The following PPEF1 variants were observed in gnomAD, a reference collection of about 807,000 sequenced individuals.
PPEF1 encodes the protein serine/threonine-protein phosphatase with EF-hands 1.
Under a neutral mutation model 53.3 loss-of-function variants are expected in PPEF1, and 12 were observed. The ratio of observed to expected loss-of-function variants is 0.23; its 90% CI spans 0.14 to 0.36. The LOEUF (loss-of-function observed/expected upper bound fraction) is 0.36, where lower values mean the gene tolerates loss of function less well. PPEF1 is among the 10% of genes least tolerant of loss of function. The pLI, the probability that PPEF1 is intolerant of heterozygous loss-of-function variation, is 1.00. For missense variants in PPEF1, 334 were observed against 490.4 expected, an observed-to-expected ratio of 0.68 and a Z score of 3.01; for synonymous variants, 165 against 176.7, an observed-to-expected ratio of 0.93 and a Z score of 0.52.
Position 18,749,842 on chromosome X carries a change from G to C in PPEF1, c.286G>C (p.Asp96His), listed in dbSNP as rs377260601. 3.4e-6 allele frequency: 4 copies of C among 1,191,601 alleles called. No individual in the cohort carries two copies. The highest frequency in any genetic ancestry group is 4.5e-6 in the Non-Finnish European group (4 of 885,126). Residue 96 changes from aspartate (D) to histidine (H), a missense_variant, in exon 4 of 16, where the codon GAT becomes CAT. Physicochemically the swap from Asp to His is moderately conservative, Grantham distance 81. Coordinates refer to ENST00000470157, the MANE Select transcript of PPEF1 (RefSeq NM_001377996.1). ...ESEQDMRDRW[D>H]YVDSIDVPDS... ...CGAACAGGACATGAGGGATAGATGG[G>C]ATTATGTGGACTCGATAGATGTCCC... is the stretch of plus-strand genomic sequence containing the variant.
chrX:18,761,510 A>G lies in PPEF1; in HGVS notation c.512-20A>G, dbSNP rs1032281876. The G allele has an allele frequency of 2.5e-6, 3 of 1,198,906 alleles. No individual in the cohort carries two copies. Among genetic ancestry groups the G allele is most frequent in the Non-Finnish European group, 3.4e-6 (3 of 884,154 alleles). On this transcript the variant is annotated intron_variant, in intron 5 of 15. Transcript: ENST00000470157. ...GCATCTTGTTCTCTACTGAATACTG[A>G]TTTTTCATTTGCACTGCAGGTGATT...
intron 10 of PPEF1, among the ~76,000 whole-genome samples, chrX:18,789,600 C>A (rs2046289019): frequency 8.9e-6 from 1 of 111,875 alleles, no homozygotes; most frequent in African/African-American, 3.3e-5. Context: ...CTGTAGCCAC[C>A]CTGTGCCACC....
At chrX:18,808,552 CAAAA>C (rs57335377) in intron 12 of PPEF1, among the ~76,000 whole-genome samples, 1 of 99,469 alleles carries the variant, frequency 1.0e-5, no homozygotes. Context: ...GACTCAACAG[CAAAA>C]AAAAAAAAAC....
At chrX:18,797,055 G>C (rs770666556) in intron 10 of PPEF1, among the ~76,000 whole-genome samples, 137 of 111,169 alleles carry the variant, frequency 1.2e-3, no homozygotes, top group Non-Finnish European at 1.9e-3. Flanking sequence ...GCATCTTGCA[G>C]ACCCCACACA....
chrX:18,729,325 T>G (rs1196047091), intron 1 of PPEF1, among the ~76,000 whole-genome samples: 1 of 112,143 alleles, frequency 8.9e-6, no homozygotes, highest in Admixed American at 9.4e-5. Context: ...CCCCTTCTTA[T>G]GTTAATTAGT....
At chrX:18,735,559 C>T (rs1446999596) in intron 3 of PPEF1, among the ~76,000 whole-genome samples, 7 of 111,607 alleles carry the variant, frequency 6.3e-5, no homozygotes, top group South Asian at 7.5e-4. Context: ...AGTCAGGTAG[C>T]GTGATGCCTC....
rs981990859 is a variant in PPEF1, at chrX:18,727,676, C to A, written c.47-2505C>A. ...GGGCTCAGTCCCCAAGACTGCCTAC[C>A]CACCCCACCCCAACACCAGTTGCAA... is the stretch of plus-strand genomic sequence containing the variant. On this transcript the variant is annotated intron_variant, in intron 1 of 15. Transcript: ENST00000470157. Among the ~76,000 whole-genome samples, 5 of 110,548 alleles carry A rather than the reference C, an allele frequency of 4.5e-5. 1 individual carries two copies. Among genetic ancestry groups the A allele is most frequent in the African/African-American group, 1.6e-4 (5 of 30,350 alleles).
intron 1 of PPEF1, among the ~76,000 whole-genome samples, chrX:18,711,754 C>CT (rs536021892): frequency 0.42 from 37,480 of 89,075 alleles, 7,327 homozygotes; most frequent in East Asian, 0.62. Flanking sequence ...ATTACTATAG[C>CT]TTTTTTTTTT....
chrX:18,772,248 TGAG>T (rs1447863117), intron 6 of PPEF1, among the ~76,000 whole-genome samples: 3 of 111,075 alleles, frequency 2.7e-5, no homozygotes, highest in Non-Finnish European at 5.7e-5. Flanking sequence ...TTGAGTAGGC[TGAG>T]GAGGAGGAAG....
chrX:18,702,133 C>G (rs773796335), intron 6 of PPEF1, among the ~76,000 whole-genome samples: 6 of 111,884 alleles, frequency 5.4e-5, no homozygotes, highest in Admixed American at 1.9e-4. Context: ...CTGCCTCACC[C>G]TATGCCTCTG....
chrX:18,733,684 C>T, intron 2 of PPEF1, 64 bp from the exon 3 acceptor site: 1 of 949,630 alleles, frequency 1.1e-6, no homozygotes, highest in Non-Finnish European at 1.5e-6. Flanking sequence ...GGAACACCAA[C>T]AGCATTTGTC....
intron 12 of PPEF1, among the ~76,000 whole-genome samples, chrX:18,813,157 G>A (rs1001426223): frequency 1.8e-5 from 2 of 110,820 alleles, no homozygotes; most frequent in African/African-American, 6.6e-5. Flanking sequence ...GAGGCGGGTG[G>A]ATCACGAGGT....
At chrX:18,729,772 A>G (rs892534900) in intron 1 of PPEF1, among the ~76,000 whole-genome samples, 2 of 112,532 alleles carry the variant, frequency 1.8e-5, no homozygotes, top group Middle Eastern at 4.6e-3. Context: ...TGGAATTGCT[A>G]CTTCATAGGG....
At chrX:18,806,842 A>G (rs977708521) in intron 12 of PPEF1, among the ~76,000 whole-genome samples, 5 of 111,013 alleles carry the variant, frequency 4.5e-5, no homozygotes, top group African/African-American at 1.6e-4. Context: ...CCAACCTACA[A>G]CCTTCTCTGA....
chrX:18,732,067 G>A (rs1249279644), intron 2 of PPEF1, among the ~76,000 whole-genome samples: 2 of 111,934 alleles, frequency 1.8e-5, no homozygotes, highest in Non-Finnish European at 3.8e-5. Context: ...TTGCATTTTC[G>A]GTCTCCCAGA....
intron 4 of PPEF1, among the ~76,000 whole-genome samples, chrX:18,750,233 G>A (rs1309551517): frequency 1.8e-5 from 2 of 111,139 alleles, no homozygotes; most frequent in Non-Finnish European, 3.8e-5. Context: ...ACTTTTTCAC[G>A]CATTCACAGG....
chrX:18,777,005 T>G (rs993840881), intron 6 of PPEF1, among the ~76,000 whole-genome samples: 1 of 112,841 alleles, frequency 8.9e-6, no homozygotes, highest in South Asian at 3.6e-4. Flanking sequence ...TGTATGTTGC[T>G]TTACCATTTT....
At chrX:18,712,390 C>G (rs1437459305) in intron 1 of PPEF1, among the ~76,000 whole-genome samples, 3 of 111,194 alleles carry the variant, frequency 2.7e-5, no homozygotes, top group African/African-American at 9.8e-5. Flanking sequence ...TAAATTTAAC[C>G]TAGGTTTTTT....
At chrX:18,730,116 C>T in intron 1 of PPEF1, 65 bp from the exon 2 acceptor site, 1 of 1,106,891 alleles carries the variant, frequency 9.0e-7, no homozygotes, top group East Asian at 3.2e-5. Context: ...ACTGAAGCAC[C>T]TACTTCTCCT....
Sources: gnomAD v4.1 joint callset for allele counts (sites outside exome capture counted in the v4.1 genomes callset) on GRCh38, gnomAD v4.1.1 for gene constraint, MANE v1.5 for transcripts, NCBI Gene and HGNC (gene_info 2026-07-23, HGNC 2026-07-21) for gene names.